Variants in PRDX3 observed in about 807,000 individuals in gnomAD.
PRDX3 encodes the protein thioredoxin-dependent peroxide reductase, mitochondrial.
A neutral mutation model predicts 30.4 loss-of-function variants in PRDX3; 20 were observed. That is an observed-to-expected ratio of 0.66 (90% CI 0.46 to 0.96). The LOEUF is 0.96. Among genes scored for constraint, PRDX3 ranks in the 40% least tolerant of loss-of-function variants. The pLI is 0.00. For synonymous variants in PRDX3, 124 were observed against 117.8 expected (o/e 1.05, Z -0.34); for missense variants, 322 against 318.3 (o/e 1.01, Z -0.09).
At position 119,173,798 on chromosome 10, in the gene PRDX3, A is replaced by T; in HGVS notation, c.386T>A (p.Val129Asp). 6.2e-7 allele frequency: 1 copy of T among 1,612,756 alleles called. No individual in the cohort carries two copies. The highest frequency in any genetic ancestry group is 1.3e-5 in the African/African-American group (1 of 75,004). Residue 129 changes from valine to aspartate, a missense_variant, in exon 4 of 7, where the codon GTT becomes GAT. Val to Asp is a radical substitution (Grantham distance 152). Coordinates refer to ENST00000298510, the MANE Select transcript of PRDX3 (RefSeq NM_006793.5). ...GTGGGAATCCACTGAGACTGCGACA[A>T]CTTCACAGTTCACGTCGTGAAATTC... The part of the protein sequence containing the change: ...ANEFHDVNCE[V>D]VAVSVDSHFS...
At chr10:119,169,576 C>A (rs1281187947) in intron 5 of PRDX3, 1 of 407,496 alleles carries the variant, frequency 2.5e-6, no homozygotes, top group Non-Finnish European at 4.5e-6. Context: ...GCAGTATGGT[C>A]ACACTTACAA....
Position 119,168,300 on chromosome 10 carries a change from C to T in PRDX3, c.*180G>A, listed in dbSNP as rs1396883234. The stretch of plus-strand genomic sequence containing the variant: ...AATAAAGGATTCCTTGTACTAGCAA[C>T]TAACCATGTTTAAAAGGTCTTAGCC... On this transcript the variant is annotated 3_prime_UTR_variant, in exon 7 of 7. Transcript: ENST00000298510. The T allele has an allele frequency of 7.8e-7, 1 of 1,284,026 alleles. No homozygotes were observed. Among genetic ancestry groups the T allele is most frequent in the African/African-American group, 1.5e-5 (1 of 65,600 alleles). The allele number at this position is 1,284,026 out of a possible 1,614,324, so 79.5% of individuals were successfully genotyped here.
At chr10:119,177,844 G>A (rs1235523536) in intron 1 of PRDX3, among the ~76,000 whole-genome samples, 2 of 151,040 alleles carry the variant, frequency 1.3e-5, no homozygotes, top group Admixed American at 6.6e-5. Context: ...TCAGCCTCTG[G>A]GAGTCTGTTA....
intron 1 of PRDX3, among the ~76,000 whole-genome samples, chr10:119,177,740 A>G (rs966152312): frequency 6.6e-6 from 1 of 151,742 alleles, no homozygotes; most frequent in African/African-American, 2.4e-5. Context: ...TTTTCCCAGC[A>G]CTATCTGCTG....
At chr10:119,176,448 A>G (rs1394325986) in intron 2 of PRDX3, among the ~76,000 whole-genome samples, 2 of 152,228 alleles carry the variant, frequency 1.3e-5, no homozygotes, top group Non-Finnish European at 2.9e-5. Context: ...GGGCTTTTTC[A>G]AAGGCTAGTC....
At chr10:119,170,799 G>C (rs544196942) in intron 5 of PRDX3, 8 of 151,836 alleles carry the variant, frequency 5.3e-5, no homozygotes, top group African/African-American at 1.7e-4. Flanking sequence ...GGAGGCTGAG[G>C]CAGGAGAACT....
At chr10:119,178,609 A>G in intron 1 of PRDX3, 146 bp downstream of exon 1, 1 of 1,018,662 alleles carries the variant, frequency 9.8e-7, no homozygotes, top group Non-Finnish European at 1.5e-6. Context: ...ACCTTCCCGG[A>G]GGGAGGCCTC....
intron 4 of PRDX3, among the ~76,000 whole-genome samples, chr10:119,173,193 C>T (rs987263760): frequency 6.6e-6 from 1 of 152,188 alleles, no homozygotes; most frequent in Non-Finnish European, 1.5e-5. Context: ...CTGTCTCGGC[C>T]TCTCAAAGTG....
chr10:119,171,263 A>C (rs1289101468), intron 5 of PRDX3, among the ~76,000 whole-genome samples: 1 of 151,852 alleles, frequency 6.6e-6, no homozygotes. Context: ...GATGGTCTCG[A>C]TCTCTTGACC....
In PRDX3 at chr10:119,168,311, T is replaced by G; in HGVS notation, c.*169A>C. The G allele has an allele frequency of 7.3e-7, 1 of 1,369,744 alleles. No homozygotes were observed. 84.8% of individuals were successfully genotyped at this position (1,369,744 alleles called of 1,614,324 possible). On this transcript the variant is annotated 3_prime_UTR_variant, in exon 7 of 7. Coordinates refer to ENST00000298510, the MANE Select transcript of PRDX3 (RefSeq NM_006793.5). ...CCTTGTACTAGCAACTAACCATGTT[T>G]AAAAGGTCTTAGCCAGAATTACAAA...
Position 119,169,184 on chromosome 10 carries a change from G to A in PRDX3, c.710C>T (p.Ser237Phe). ...TTGGGGAAAAAAACCTACCGTAGGA[G>A]AATCCGGTGTCCAGTTCGCTGGGCA... ...EVCPANWTPD[S>F]PTIKPSPAAS... The change falls in exon 6 of 7, where the codon TCT becomes TTT. Residue 237 changes from serine to phenylalanine, a missense_variant. Coordinates refer to ENST00000298510, the MANE Select transcript of PRDX3 (RefSeq NM_006793.5). 6.2e-7 allele frequency: 1 copy of A among 1,612,200 alleles called. No homozygotes were observed. The highest frequency in any genetic ancestry group is 8.5e-7 in the Non-Finnish European group (1 of 1,179,950).
Position 119,172,426 on chromosome 10 carries a change from G to A in PRDX3, c.507C>T (p.Ser169=), listed in dbSNP as rs1194254624. 1.7e-5 allele frequency: 27 copies of A among 1,613,998 alleles called. No homozygotes were observed. The highest frequency in any genetic ancestry group is 2.2e-5 in the East Asian group (1 of 44,902). ...CTTCTAACAGCACACCGTAGTCTCG[G>A]GAAATCTGCTTAGTTAAGTCTGACA... The part of the protein sequence containing the change: ...ALLSDLTKQI[S]RDYGVLLEGS... Residue 169 remains serine, a synonymous_variant, in exon 5 of 7, where the codon TCC becomes TCT. Transcript: ENST00000298510.
rs771184363 is a variant in PRDX3, at chr10:119,173,859, G to A, written c.325C>T (p.Pro109Ser). 5 of 1,608,050 alleles carry A rather than the reference G, an allele frequency of 3.1e-6. No individual in the cohort carries two copies. In the African/African-American group the frequency reaches 5.4e-5, roughly 17 times the overall value. Residue 109 changes from proline (P) to serine (S), a missense_variant, in exon 4 of 7, where the codon CCT (proline) becomes TCT (serine). Transcript: ENST00000298510. ...FYPLDFTFVC[P>S]TEIVAFSDKA... ...TCACTAAAAGCAACAATTTCTGTAGGACACACAAAGGTGCTGGAAAAAAAG... is the reference window on the plus strand; with the variant it reads ...TCACTAAAAGCAACAATTTCTGTAGAACACACAAAGGTGCTGGAAAAAAAG...
intron 2 of PRDX3, chr10:119,174,824 G>T: frequency 2.3e-6 from 1 of 434,714 alleles, no homozygotes; most frequent in Non-Finnish European, 4.0e-6. Context: ...GTGGTGATTT[G>T]CATATAATCC....
At chr10:119,171,400 G>GA in intron 5 of PRDX3, among the ~76,000 whole-genome samples, 1 of 152,258 alleles carries the variant, frequency 6.6e-6, no homozygotes, top group South Asian at 2.1e-4. Flanking sequence ...GCACATCAAA[G>GA]GGGGATCCCC....
At position 119,168,553 on chromosome 10, in the gene PRDX3, A is replaced by C; in HGVS notation, c.718-20T>G. The C allele has an allele frequency of 6.2e-7, 1 of 1,613,118 alleles. No homozygotes were observed. The highest frequency in any genetic ancestry group is 8.5e-7 in the Non-Finnish European group (1 of 1,179,824). On this transcript the variant is annotated intron_variant, in intron 6 of 6. Coordinates refer to ENST00000298510, the MANE Select transcript of PRDX3 (RefSeq NM_006793.5). ...CTTGATCTGAAAATACAAAAGCTTA[A>C]TTAGGTAACTGTGACTTTACCATAA... is the stretch of plus-strand genomic sequence containing the variant.
chr10:119,177,206 C>T lies in PRDX3; in HGVS notation c.37-53G>A. On this transcript the variant is annotated intron_variant, in intron 1 of 6. Transcript: ENST00000298510. ...GTTTTCCTGGACTGGTGACTGAAGGCTGAAAGGGCATCGTGCCAACGGTGG... is the reference window on the plus strand; with the variant it reads ...GTTTTCCTGGACTGGTGACTGAAGGTTGAAAGGGCATCGTGCCAACGGTGG... 1.3e-6 allele frequency: 2 copies of T among 1,592,340 alleles called. 1 individual carries two copies. The highest frequency in any genetic ancestry group is 2.2e-5 in the South Asian group (2 of 90,178).
rs200939567 is a variant in PRDX3, at chr10:119,172,408, C to T, written c.525G>A (p.Leu175=). Reference sequence around the variant, plus strand: ...TTAGTGCAAGACCAGAACCTTCTAACAGCACACCGTAGTCTCGGGAAATCT... The same window carrying T: ...TTAGTGCAAGACCAGAACCTTCTAATAGCACACCGTAGTCTCGGGAAATCT... ...TKQISRDYGV[L]LEGSGLALRG... Residue 175 remains leucine, a synonymous_variant, in exon 5 of 7, where the codon CTG becomes CTA. Coordinates refer to ENST00000298510, the MANE Select transcript of PRDX3 (RefSeq NM_006793.5). The T allele has an allele frequency of 3.7e-6, 6 of 1,613,846 alleles. No homozygotes were observed. Among genetic ancestry groups the T allele is most frequent in the East Asian group, 2.2e-5 (1 of 44,886 alleles).
chr10:119,173,619 A>C (rs1847961181), intron 4 of PRDX3, 118 bp downstream of exon 4: 4 of 1,286,386 alleles, frequency 3.1e-6, no homozygotes, highest in South Asian at 1.4e-5. Flanking sequence ...CAAAAAAAAA[A>C]AAAAAAAAAA....
Sources: gnomAD v4.1 joint callset for allele counts (sites outside exome capture counted in the v4.1 genomes callset) on GRCh38, gnomAD v4.1.1 for gene constraint, MANE v1.5 for transcripts, NCBI Gene and HGNC (gene_info 2026-07-23, HGNC 2026-07-21) for gene names.